NAV2: variants seen among roughly 807,000 people sequenced by gnomAD.
NAV2 encodes neuron navigator 2.
Under a neutral mutation model 223.2 loss-of-function variants are expected in NAV2, and 54 were observed. The ratio of observed to expected loss-of-function variants is 0.24; its 90% confidence interval spans 0.19 to 0.30. The LOEUF is 0.30. Among genes scored for constraint, NAV2 ranks in the 10% least tolerant of loss-of-function variants. The pLI is 1.00. For synonymous variants in NAV2, 1,279 were observed against 1,239.3 expected (o/e 1.03, Z -0.67); for missense variants, 2,806 against 3,147.5 (o/e 0.89, Z 2.60).
intron 11 of NAV2, among the ~76,000 whole-genome samples, chr11:20,023,351 T>C (rs1353705145): frequency 6.6e-6 from 1 of 152,136 alleles, no homozygotes; most frequent in Non-Finnish European, 1.5e-5. Flanking sequence ...TCCGCCCCCA[T>C]TGATTCTAAC....
intron 1 of NAV2, among the ~76,000 whole-genome samples, chr11:19,793,224 AAAAAAGAAAG>A (rs1166965372): frequency 5.7e-4 from 78 of 137,618 alleles, no homozygotes; most frequent in Admixed American, 1.4e-3. Context: ...AAAAAAAAAA[AAAAAAGAAAG>A]AAAGAAAGAA....
chr11:19,799,781 C>T (rs1173761422), intron 1 of NAV2, among the ~76,000 whole-genome samples: 1 of 152,126 alleles, frequency 6.6e-6, no homozygotes, highest in Non-Finnish European at 1.5e-5. Context: ...TCGGAACCCA[C>T]CACCCCCCAC....
chr11:19,800,672 G>GGTGT (rs142402876), intron 1 of NAV2, among the ~76,000 whole-genome samples: 31,890 of 145,760 alleles, frequency 0.22, 3,829 homozygotes, highest in East Asian at 0.52. Context: ...AAGGAGAATG[G>GGTGT]GTGTGTGTGT....
chr11:19,674,986 G>C (rs980403465), intron 1 of NAV2, among the ~76,000 whole-genome samples: 43 of 152,272 alleles, frequency 2.8e-4, no homozygotes, highest in African/African-American at 9.9e-4. Flanking sequence ...GCTCAGTAAG[G>C]TGCCTAGCAG....
intron 1 of NAV2, among the ~76,000 whole-genome samples, chr11:19,816,124 C>T (rs1424996380): frequency 6.6e-6 from 1 of 152,156 alleles, no homozygotes; most frequent in Non-Finnish European, 1.5e-5. Flanking sequence ...TGCCCTCAGG[C>T]CTGAGAGCTC....
chr11:19,445,691 C>T (rs1353238004), intron 1 of NAV2, among the ~76,000 whole-genome samples: 1 of 151,798 alleles, frequency 6.6e-6, no homozygotes, highest in Non-Finnish European at 1.5e-5. Context: ...TGCCCATTTC[C>T]ACTAGCTGGA....
At chr11:19,381,831 A>G (rs910641118) in intron 1 of NAV2, among the ~76,000 whole-genome samples, 2 of 152,182 alleles carry the variant, frequency 1.3e-5, no homozygotes, top group Admixed American at 6.5e-5. Flanking sequence ...GAGATGGGAG[A>G]TACAGGAAGG....
intron 1 of NAV2, among the ~76,000 whole-genome samples, chr11:19,586,745 G>C (rs981560963): frequency 6.6e-6 from 1 of 152,210 alleles, no homozygotes; most frequent in East Asian, 1.9e-4. Flanking sequence ...TGGAAGTTTT[G>C]TCTCAGAGGA....
intron 1 of NAV2, among the ~76,000 whole-genome samples, chr11:19,433,507 C>G (rs1851107085): frequency 6.6e-6 from 1 of 152,216 alleles, no homozygotes; most frequent in South Asian, 2.1e-4. Flanking sequence ...AACTTGTTGA[C>G]TATTGCTTTT....
chr11:19,606,402 A>T (rs1454342946), intron 1 of NAV2, among the ~76,000 whole-genome samples: 4 of 152,188 alleles, frequency 2.6e-5, no homozygotes, highest in Non-Finnish European at 4.4e-5. Flanking sequence ...AGCTTGCCCC[A>T]GGTGTTAAAG....
intron 1 of NAV2, among the ~76,000 whole-genome samples, chr11:19,747,943 A>T (rs545949272): frequency 1.3e-4 from 20 of 152,188 alleles, no homozygotes; most frequent in African/African-American, 4.3e-4. Context: ...GCCCCTGGGG[A>T]GCCTGCTAAC....
At chr11:19,868,624 G>C (rs1362077555) in intron 3 of NAV2, among the ~76,000 whole-genome samples, 4 of 152,122 alleles carry the variant, frequency 2.6e-5, no homozygotes, top group Non-Finnish European at 2.9e-5. Flanking sequence ...CATTTTTCTG[G>C]CAACTGCTCA....
intron 6 of NAV2, among the ~76,000 whole-genome samples, chr11:19,920,984 T>C (rs1465179849): frequency 6.6e-6 from 1 of 152,162 alleles, no homozygotes; most frequent in Non-Finnish European, 1.5e-5. Flanking sequence ...GTGGAGGAAA[T>C]TGTTTCCTGA....
At chr11:20,059,541 G>A (rs904462462) in intron 19 of NAV2, among the ~76,000 whole-genome samples, 2 of 151,768 alleles carry the variant, frequency 1.3e-5, no homozygotes, top group Non-Finnish European at 2.9e-5. Context: ...TGAATGAAGG[G>A]ACTAGGACAC....
At chr11:19,867,297 G>A (rs1487296923) in intron 3 of NAV2, among the ~76,000 whole-genome samples, 1 of 152,124 alleles carries the variant, frequency 6.6e-6, no homozygotes, top group Non-Finnish European at 1.5e-5. Context: ...TTATGTAAAT[G>A]CAGGCTCCTG....
chr11:19,985,895 G>T (rs553919129), intron 11 of NAV2, among the ~76,000 whole-genome samples: 24 of 151,866 alleles, frequency 1.6e-4, no homozygotes, highest in South Asian at 4.2e-4. Context: ...CTCTTACTAA[G>T]GAGAAACTAA....
At chr11:20,089,989 G>A (rs773810440) in intron 26 of NAV2, among the ~76,000 whole-genome samples, 8 of 152,180 alleles carry the variant, frequency 5.3e-5, no homozygotes, top group African/African-American at 1.7e-4. Context: ...ACACCATCCC[G>A]TCTGTTCTCT....
chr11:19,456,439 A>G (rs1851961175), intron 1 of NAV2, among the ~76,000 whole-genome samples: 1 of 152,190 alleles, frequency 6.6e-6, no homozygotes, highest in Admixed American at 6.5e-5. Flanking sequence ...ATAAAGGGTG[A>G]TGGGCCTAGA....
intron 1 of NAV2, among the ~76,000 whole-genome samples, chr11:19,684,699 G>C (rs1198957788): frequency 3.3e-5 from 5 of 152,088 alleles, no homozygotes; most frequent in Non-Finnish European, 7.3e-5. Flanking sequence ...ACAGACACCA[G>C]AGTGAGGAAT....
Sources: allele counts gnomAD v4.1 joint callset (sites outside exome capture counted in the v4.1 genomes callset), GRCh38; gene constraint gnomAD v4.1.1; transcripts MANE v1.5; gene names NCBI Gene and HGNC (gene_info 2026-07-23, HGNC 2026-07-21).